KCNIP4: variants seen among roughly 807,000 people sequenced by gnomAD.
KCNIP4 encodes the protein Kv channel-interacting protein 4.
Under a neutral mutation model 34.0 loss-of-function variants are expected in KCNIP4, and 12 were observed. The ratio of observed to expected loss-of-function variants is 0.35; its 90% confidence interval spans 0.23 to 0.57. The LOEUF is 0.57. KCNIP4 is among the 20% of genes least tolerant of loss of function. The pLI is 0.83. For synonymous variants in KCNIP4, 124 were observed against 102.2 expected (o/e 1.21, Z -1.29); for missense variants, 238 against 311.7 (o/e 0.76, Z 1.78).
chr4:21,577,787 T>G (rs1740863149), intron 1 of KCNIP4, among the ~76,000 whole-genome samples: 1 of 152,174 alleles, frequency 6.6e-6, no homozygotes, highest in African/African-American at 2.4e-5. Flanking sequence ...TATTTGGAAA[T>G]TCTGTCCAGA....
rs78443442 is a variant in KCNIP4, at chr4:21,710,343, G to A, written c.61+238228C>T. 4.9e-4 allele frequency among the ~76,000 whole-genome samples: 74 copies of A among 152,234 alleles called. No homozygotes were observed. The East Asian group carries it at 0.013, about 27-fold the overall frequency. On this transcript the variant is annotated intron_variant, in intron 1 of 8. Transcript: ENST00000382152. ...GCCATACACCCTTCTCATCAGAGAAGCGTGATTAAATATTCAGGACCCTGC... is the reference window on the plus strand; with the variant it reads ...GCCATACACCCTTCTCATCAGAGAAACGTGATTAAATATTCAGGACCCTGC...
intron 1 of KCNIP4, among the ~76,000 whole-genome samples, chr4:21,511,563 AG>A (rs2109922211): frequency 6.6e-6 from 1 of 152,306 alleles, no homozygotes; most frequent in South Asian, 2.1e-4. Flanking sequence ...TAAATTATAG[AG>A]AAAGGCTTTG....
rs370523260 is a variant in KCNIP4, at chr4:21,599,851, T to C, written c.61+348720A>G. Among the ~76,000 whole-genome samples the C allele has an allele frequency of 8.5e-5, 13 of 152,138 alleles. No individual in the cohort carries two copies. The East Asian group carries it at 2.1e-3, about 25-fold the overall frequency. On this transcript the variant is annotated intron_variant, in intron 1 of 8. Transcript: ENST00000382152. Reference sequence around the variant, plus strand: ...CCAGGATTTGGAGATAACCTATAAATATTGGAGGCAGGCCCAAAGGAAGTT... The same window carrying C: ...CCAGGATTTGGAGATAACCTATAAACATTGGAGGCAGGCCCAAAGGAAGTT...
At chr4:21,741,251 A>G (rs147876854) in intron 1 of KCNIP4, among the ~76,000 whole-genome samples, 369 of 152,260 alleles carry the variant, frequency 2.4e-3, no homozygotes, top group African/African-American at 8.4e-3. Flanking sequence ...ATGGCAGGTA[A>G]TATTCTAGGT....
At chr4:21,763,190 T>A (rs145714798) in intron 1 of KCNIP4, among the ~76,000 whole-genome samples, 1 of 152,276 alleles carries the variant, frequency 6.6e-6, no homozygotes, top group East Asian at 1.9e-4. Flanking sequence ...CAGATTATCA[T>A]TTTAAATATA....
intron 1 of KCNIP4, among the ~76,000 whole-genome samples, chr4:21,534,854 G>A (rs551431131): frequency 1.3e-5 from 2 of 152,238 alleles, no homozygotes; most frequent in South Asian, 2.1e-4. Flanking sequence ...CAGAAGTTTG[G>A]TGAAGTATCC....
intron 1 of KCNIP4, among the ~76,000 whole-genome samples, chr4:21,252,756 C>CT (rs5856614): frequency 0.025 from 3,335 of 132,234 alleles, 59 homozygotes; most frequent in Non-Finnish European, 0.029. Context: ...GGCAAATCCT[C>CT]TTTTTTTTTT....
chr4:21,428,005 A>G (rs1726082667), intron 1 of KCNIP4, among the ~76,000 whole-genome samples: 1 of 152,212 alleles, frequency 6.6e-6, no homozygotes, highest in African/African-American at 2.4e-5. Context: ...ACATAAATTA[A>G]GCCGCAAGAA....
At chr4:20,769,368 A>G (rs775344921) in intron 3 of KCNIP4, among the ~76,000 whole-genome samples, 7 of 152,168 alleles carry the variant, frequency 4.6e-5, no homozygotes, top group Non-Finnish European at 8.8e-5. Context: ...CAATTCCTGA[A>G]TCTTTAGTGG....
intron 1 of KCNIP4, among the ~76,000 whole-genome samples, chr4:21,757,651 C>G (rs564288054): frequency 6.6e-6 from 1 of 152,318 alleles, no homozygotes; most frequent in East Asian, 1.9e-4. Flanking sequence ...TTACCAATTT[C>G]TAGCAACAAA....
Position 21,669,174 on chromosome 4 carries a change from G to A in KCNIP4, c.61+279397C>T, listed in dbSNP as rs114314454. Among the ~76,000 whole-genome samples, 828 of 146,194 alleles carry A rather than the reference G, an allele frequency of 5.7e-3. 3 individuals are homozygous for A. The highest frequency in any genetic ancestry group is 0.02 in the African/African-American group (794 of 40,264). ...CTTCCAAGACAGGGTCACCTAGGCTGGAGTGCATTGTTGCAAACATAGCTT... is the reference window on the plus strand; with the variant it reads ...CTTCCAAGACAGGGTCACCTAGGCTAGAGTGCATTGTTGCAAACATAGCTT... On this transcript the variant is annotated intron_variant, in intron 1 of 8. Transcript: ENST00000382152.
intron 1 of KCNIP4, among the ~76,000 whole-genome samples, chr4:21,927,003 A>T (rs567018206): frequency 6.6e-6 from 1 of 152,310 alleles, no homozygotes; most frequent in African/African-American, 2.4e-5. Flanking sequence ...AAGTATTTGA[A>T]GTACTGGTGC....
At chr4:20,767,668 A>C (rs2149374423) in intron 3 of KCNIP4, among the ~76,000 whole-genome samples, 1 of 152,188 alleles carries the variant, frequency 6.6e-6, no homozygotes, top group East Asian at 1.9e-4. Flanking sequence ...AATATTGTCC[A>C]CTCCAATAAT....
At chr4:21,903,550 G>A (rs1232663686) in intron 1 of KCNIP4, among the ~76,000 whole-genome samples, 1 of 152,158 alleles carries the variant, frequency 6.6e-6, no homozygotes, top group African/African-American at 2.4e-5. Context: ...TACAGGCACT[G>A]ATTGTTTCAA....
chr4:20,737,899 A>G (rs1245709286), intron 5 of KCNIP4, among the ~76,000 whole-genome samples: 1 of 152,132 alleles, frequency 6.6e-6, no homozygotes, highest in Non-Finnish European at 1.5e-5. Context: ...TGGGTGGTGG[A>G]GGTGGGAAGG....
chr4:21,179,888 C>T (rs1318380963), intron 1 of KCNIP4, among the ~76,000 whole-genome samples: 1 of 152,180 alleles, frequency 6.6e-6, no homozygotes, highest in African/African-American at 2.4e-5. Context: ...TTTACATAAG[C>T]TACCTCCTTC....
intron 1 of KCNIP4, among the ~76,000 whole-genome samples, chr4:21,093,277 G>T (rs1015836497): frequency 1.3e-5 from 2 of 152,152 alleles, no homozygotes; most frequent in African/African-American, 2.4e-5. Context: ...CACCAAATTT[G>T]CAGGAAAATG....
chr4:21,441,788 A>G (rs1727507036), intron 1 of KCNIP4, among the ~76,000 whole-genome samples: 1 of 152,222 alleles, frequency 6.6e-6, no homozygotes, highest in African/African-American at 2.4e-5. Context: ...AATAAGAAAT[A>G]TACATTATTG....
chr4:21,697,714 G>T, intron 1 of KCNIP4: 1 of 1,205,474 alleles, frequency 8.3e-7, no homozygotes, highest in Non-Finnish European at 1.0e-6. Flanking sequence ...ACAGGCTGCC[G>T]GTTCACACTT....
Sources: gnomAD v4.1 joint callset for allele counts (sites outside exome capture counted in the v4.1 genomes callset) on GRCh38, gnomAD v4.1.1 for gene constraint, MANE v1.5 for transcripts, NCBI Gene and HGNC (gene_info 2026-07-23, HGNC 2026-07-21) for gene names.